Variants in BCL2 observed in about 807,000 individuals in gnomAD.
The protein encoded by BCL2 is BCL2 apoptosis regulator.
BCL2 carries 1 observed loss-of-function variant against 14.2 expected under a neutral mutation model. The ratio of observed to expected loss-of-function variants is 0.07; its 90% CI spans 0.02 to 0.33. BCL2 has a LOEUF of 0.33. Ranked by LOEUF, BCL2 falls within the 10% of genes least tolerant of loss-of-function variation. The pLI, the probability that BCL2 is intolerant of heterozygous loss-of-function variation, is 0.99. For missense variants in BCL2, 247 were observed against 305.9 expected, an observed-to-expected ratio of 0.81 and a Z score of 1.44; for synonymous variants, 151 against 137.2, an observed-to-expected ratio of 1.10 and a Z score of -0.70.
chr18:63,249,823 C>T (rs17070904), intron 2 of BCL2, among the ~76,000 whole-genome samples: 5,231 of 151,374 alleles, frequency 0.035, 142 homozygotes, highest in East Asian at 0.067. Context: ...GTTTGACTCA[C>T]TAAAAAAAAT....
chr18:63,299,826 T>TTTTTTC (rs1912908868), intron 2 of BCL2, among the ~76,000 whole-genome samples: 1 of 151,360 alleles, frequency 6.6e-6, no homozygotes. Context: ...TTTTTTTTTT[T>TTTTTTC]GAACAAACTC....
At chr18:63,304,156 T>C (rs1049817150) in intron 2 of BCL2, among the ~76,000 whole-genome samples, 1 of 152,204 alleles carries the variant, frequency 6.6e-6, no homozygotes, top group African/African-American at 2.4e-5. Context: ...CCTTATGTTA[T>C]ATTGTTAATT....
intron 2 of BCL2, among the ~76,000 whole-genome samples, chr18:63,213,874 G>A (rs1910124368): frequency 1.3e-5 from 2 of 152,120 alleles, no homozygotes; most frequent in Admixed American, 1.3e-4. Context: ...GCACAAGGAA[G>A]CCCCAGGCCC....
intron 2 of BCL2, among the ~76,000 whole-genome samples, chr18:63,162,021 C>T (rs1914933334): frequency 6.6e-6 from 1 of 152,166 alleles, no homozygotes; most frequent in African/African-American, 2.4e-5. Flanking sequence ...ATTCCCCCTC[C>T]CACGTGCTGT....
At chr18:63,173,932 T>G (rs1236992685) in intron 2 of BCL2, among the ~76,000 whole-genome samples, 4 of 152,200 alleles carry the variant, frequency 2.6e-5, no homozygotes, top group Non-Finnish European at 5.9e-5. Flanking sequence ...AATAAGAATT[T>G]CAGTATAGAA....
chr18:63,197,030 C>G (rs912734640), intron 2 of BCL2, among the ~76,000 whole-genome samples: 1 of 152,230 alleles, frequency 6.6e-6, no homozygotes, highest in African/African-American at 2.4e-5. Context: ...TCAAATCTAT[C>G]TTCTTCACGT....
rs1173148729 is a variant in BCL2, at chr18:63,128,483, CTGTG to C, written c.*138_*141del. On this transcript the variant is annotated 3_prime_UTR_variant, in exon 3 of 3. Coordinates refer to ENST00000333681, the MANE Select transcript of BCL2 (RefSeq NM_000633.3). ...AATTGTTGTGTGTGTGTGTGTCTGT[CTGTG>C]TGTGTGATGTTTATATGTGTGTTAT... 1 of 591,358 alleles carries C rather than the reference CTGTG, an allele frequency of 1.7e-6. No individual in the cohort carries two copies. The allele number at this position is 591,358 out of a possible 1,614,324, so 36.6% of individuals were successfully genotyped here.
At chr18:63,221,026 T>A (rs1360849762) in intron 2 of BCL2, among the ~76,000 whole-genome samples, 2 of 152,204 alleles carry the variant, frequency 1.3e-5, no homozygotes, top group Non-Finnish European at 2.9e-5. Context: ...AAGCATTGGA[T>A]CTTGGTGTCT....
intron 2 of BCL2, among the ~76,000 whole-genome samples, chr18:63,218,843 G>A (rs184509320): frequency 2.5e-3 from 167 of 67,860 alleles, no homozygotes; most frequent in Non-Finnish European, 3.7e-3. Flanking sequence ...CCTTGGGATT[G>A]TGTTTGGTTG....
chr18:63,219,451 CTTT>C (rs11289698), intron 2 of BCL2, among the ~76,000 whole-genome samples: 3 of 109,782 alleles, frequency 2.7e-5, no homozygotes, highest in East Asian at 2.6e-4. Flanking sequence ...CACAGCAGAA[CTTT>C]TTTTTTTTTT....
At chr18:63,215,963 C>T (rs1910188352) in intron 2 of BCL2, among the ~76,000 whole-genome samples, 1 of 151,852 alleles carries the variant, frequency 6.6e-6, no homozygotes, top group African/African-American at 2.4e-5. Context: ...AGTCTTATGC[C>T]AGGCAATGTA....
intron 2 of BCL2, among the ~76,000 whole-genome samples, chr18:63,267,227 C>T (rs1306663251): frequency 6.6e-6 from 1 of 152,134 alleles, no homozygotes; most frequent in East Asian, 1.9e-4. Flanking sequence ...AGGGGCATTC[C>T]GTGCTTGGGT....
At chr18:63,287,207 G>C (rs888060619) in intron 2 of BCL2, among the ~76,000 whole-genome samples, 83 of 152,080 alleles carry the variant, frequency 5.5e-4, no homozygotes, top group African/African-American at 2.0e-3. Context: ...AAGATGAAGG[G>C]TCCTCCTCAG....
At chr18:63,254,748 T>C (rs1185226653) in intron 2 of BCL2, among the ~76,000 whole-genome samples, 2 of 152,242 alleles carry the variant, frequency 1.3e-5, no homozygotes, top group Admixed American at 6.5e-5. Flanking sequence ...TTTTGAGTTG[T>C]ACTGTCCTTG....
intron 2 of BCL2, among the ~76,000 whole-genome samples, chr18:63,138,524 A>G (rs372985712): frequency 6.6e-6 from 1 of 152,246 alleles, no homozygotes; most frequent in South Asian, 2.1e-4. Flanking sequence ...ACTGAAGGAC[A>G]CACAGCTGCC....
chr18:63,260,119 AC>A lies in BCL2; in HGVS notation c.585+57962del, dbSNP rs1262139305. Among the ~76,000 whole-genome samples, 3 of 152,226 alleles carry A rather than the reference AC, an allele frequency of 2.0e-5. No individual in the cohort carries two copies. In the East Asian group the frequency reaches 5.8e-4, roughly 29 times the overall value. Reference sequence around the variant, plus strand: ...TCATCTGCTTTTTTTTTTCTTGGTCACATGAACACTGCTGTAAACAAATTCT... The same window carrying A: ...TCATCTGCTTTTTTTTTTCTTGGTCAATGAACACTGCTGTAAACAAATTCT... On this transcript the variant is annotated intron_variant, in intron 2 of 2. Coordinates refer to ENST00000333681, the MANE Select transcript of BCL2 (RefSeq NM_000633.3).
At chr18:63,160,640 T>G (rs1191969997) in intron 2 of BCL2, among the ~76,000 whole-genome samples, 2 of 152,126 alleles carry the variant, frequency 1.3e-5, no homozygotes, top group Non-Finnish European at 2.9e-5. Flanking sequence ...CTTCAGGGAA[T>G]GTCTGGCCCA....
intron 2 of BCL2, among the ~76,000 whole-genome samples, chr18:63,133,318 A>ACTT (rs1914120755): frequency 2.4e-5 from 1 of 41,656 alleles, no homozygotes; most frequent in African/African-American, 6.7e-5. Context: ...AACCTTCAAG[A>ACTT]ATTTTTTTTT....
intron 2 of BCL2, among the ~76,000 whole-genome samples, chr18:63,286,834 TGCATGGA>T (rs1912487834): frequency 6.6e-6 from 1 of 152,122 alleles, no homozygotes; most frequent in Non-Finnish European, 1.5e-5. Context: ...ACATGATGAT[TGCATGGA>T]GCAGATGTCA....
Sources: allele counts gnomAD v4.1 joint callset (sites outside exome capture counted in the v4.1 genomes callset), GRCh38; gene constraint gnomAD v4.1.1; transcripts MANE v1.5; gene names NCBI Gene and HGNC (gene_info 2026-07-23, HGNC 2026-07-21).